Variants in DCLK1 observed in about 807,000 individuals in gnomAD.
DCLK1 encodes doublecortin like kinase 1.
In DCLK1, 16 loss-of-function variants were observed where a neutral mutation model predicts 86.2. That is an observed-to-expected ratio of 0.19 (90% CI 0.13 to 0.28). DCLK1 has a LOEUF of 0.28. Among genes scored for constraint, DCLK1 ranks in the 10% least tolerant of loss-of-function variants. DCLK1 has a pLI of 1.00. For synonymous variants in DCLK1, 369 were observed against 370.5 expected, an observed-to-expected ratio of 1.00 and a Z score of 0.05; for missense variants, 590 against 940.2, an observed-to-expected ratio of 0.63 and a Z score of 4.87.
chr13:36,024,527 G>A (rs1336061911), intron 3 of DCLK1, among the ~76,000 whole-genome samples: 1 of 152,094 alleles, frequency 6.6e-6, no homozygotes, highest in Non-Finnish European at 1.5e-5. Context: ...TTTAACTAAA[G>A]AAGGATAAGA....
At chr13:35,911,391 C>A (rs932317754) in intron 4 of DCLK1, among the ~76,000 whole-genome samples, 4 of 152,106 alleles carry the variant, frequency 2.6e-5, no homozygotes, top group Non-Finnish European at 4.4e-5. Context: ...GGCCCCACCT[C>A]TCCAGGGATA....
intron 3 of DCLK1, among the ~76,000 whole-genome samples, chr13:36,101,239 A>G (rs924039038): frequency 6.6e-6 from 1 of 152,176 alleles, no homozygotes; most frequent in African/African-American, 2.4e-5. Context: ...CCGTGTTTCC[A>G]CAGTGTTTGT....
chr13:35,974,166 C>T (rs2153140109), intron 3 of DCLK1, among the ~76,000 whole-genome samples: 1 of 152,270 alleles, frequency 6.6e-6, no homozygotes, highest in East Asian at 1.9e-4. Context: ...TTGTTATTTG[C>T]TAGAGATCAC....
chr13:35,871,360 C>G lies in DCLK1; in HGVS notation c.824-20G>C. The G allele has an allele frequency of 6.3e-7, 1 of 1,594,582 alleles. No individual in the cohort carries two copies. Among genetic ancestry groups the G allele is most frequent in the Admixed American group, 1.7e-5 (1 of 59,848 alleles). Reference sequence around the variant, plus strand: ...GACATTCTGGGGAAAGAACAAAAACCACACATCATTATGGGGTAATGGCAC... The same window carrying G: ...GACATTCTGGGGAAAGAACAAAAACGACACATCATTATGGGGTAATGGCAC... On this transcript the variant is annotated intron_variant, in intron 4 of 16. Transcript: ENST00000360631.
At chr13:35,791,626 TG>T (rs1253678570) in intron 16 of DCLK1, among the ~76,000 whole-genome samples, 5 of 152,174 alleles carry the variant, frequency 3.3e-5, no homozygotes, top group Non-Finnish European at 1.5e-5. Context: ...GTTTGTCAAT[TG>T]GAAAATTGCC....
chr13:35,958,241 C>G (rs1878220077), intron 3 of DCLK1, among the ~76,000 whole-genome samples: 1 of 133,960 alleles, frequency 7.5e-6, no homozygotes, highest in Non-Finnish European at 1.5e-5. Context: ...CCACCATCAT[C>G]ACCACCACCA....
In DCLK1 at chr13:35,912,964, C is replaced by T. The variant is rs186342505; in HGVS notation, c.823+34394G>A. ...CCTGCTGGCGCCCAGAGTAGCTGGCCGGATCCTGCCCTTGCTCACTCATAT... is the reference window on the plus strand; with the variant it reads ...CCTGCTGGCGCCCAGAGTAGCTGGCTGGATCCTGCCCTTGCTCACTCATAT... On this transcript the variant is annotated intron_variant, in intron 4 of 16. Coordinates refer to ENST00000360631, the MANE Select transcript of DCLK1 (RefSeq NM_001330071.2). 1.7e-4 allele frequency among the ~76,000 whole-genome samples: 26 copies of T among 152,306 alleles called. No homozygotes were observed. The South Asian group carries it at 3.1e-3, about 18-fold the overall frequency.
intron 11 of DCLK1, among the ~76,000 whole-genome samples, chr13:35,821,599 T>C (rs2087394245): frequency 1.3e-5 from 2 of 151,926 alleles, no homozygotes; most frequent in Non-Finnish European, 2.9e-5. Flanking sequence ...CATATATTTA[T>C]ACATAATGCT....
intron 4 of DCLK1, among the ~76,000 whole-genome samples, chr13:35,875,568 G>C (rs912626322): frequency 6.6e-6 from 1 of 152,186 alleles, no homozygotes; most frequent in African/African-American, 2.4e-5. Flanking sequence ...CTTCTTATCA[G>C]AAGAAATGTA....
intron 3 of DCLK1, among the ~76,000 whole-genome samples, chr13:36,014,571 G>A (rs1325388309): frequency 6.6e-6 from 1 of 152,096 alleles, no homozygotes; most frequent in Non-Finnish European, 1.5e-5. Context: ...TTCCAGAAAA[G>A]TTTCTCATGG....
At chr13:35,796,136 T>A (rs915988945) in intron 15 of DCLK1, among the ~76,000 whole-genome samples, 45 of 152,276 alleles carry the variant, frequency 3.0e-4, no homozygotes, top group Admixed American at 1.0e-3. Context: ...TCTGCCAGAA[T>A]GAAAGGGGCC....
At chr13:35,788,096 G>T in intron 16 of DCLK1, 2 of 940,212 alleles carry the variant, frequency 2.1e-6, no homozygotes, top group Non-Finnish European at 3.5e-6. Flanking sequence ...TGATAAAGCA[G>T]CATATGGACT....
chr13:35,780,805 C>T (rs1419229451), intron 16 of DCLK1, among the ~76,000 whole-genome samples: 2 of 152,216 alleles, frequency 1.3e-5, no homozygotes, highest in Non-Finnish European at 2.9e-5. Context: ...GCTATCTCAG[C>T]AACTCAGGTG....
rs76966555 is a variant in DCLK1 at position 35,984,219 on chromosome 13, T to A, written c.724-36762A>T. On this transcript the variant is annotated intron_variant, in intron 3 of 16. Coordinates refer to ENST00000360631, the MANE Select transcript of DCLK1 (RefSeq NM_001330071.2). The stretch of plus-strand genomic sequence containing the variant: ...TGGGTGTCTGTCTGTCAGCCGAGGA[T>A]AGGACTTCAGTCAATGTTCACCAAG... 2.9e-3 allele frequency among the ~76,000 whole-genome samples: 445 copies of A among 152,328 alleles called. 18 individuals are homozygous for A. In the East Asian group the frequency reaches 0.062, roughly 21 times the overall value.
intron 5 of DCLK1, among the ~76,000 whole-genome samples, chr13:35,863,407 C>G (rs537982399): frequency 5.8e-4 from 88 of 152,276 alleles, no homozygotes; most frequent in African/African-American, 1.8e-3. Context: ...GAAATTTATA[C>G]AAGCAGTTGA....
At chr13:36,116,600 G>T (rs1028399746) in intron 2 of DCLK1, among the ~76,000 whole-genome samples, 2 of 152,150 alleles carry the variant, frequency 1.3e-5, no homozygotes, top group Admixed American at 6.5e-5. Flanking sequence ...GTCTGAAAAT[G>T]ACCTCATCTC....
At chr13:35,888,077 G>A (rs1005130359) in intron 4 of DCLK1, among the ~76,000 whole-genome samples, 2 of 151,986 alleles carry the variant, frequency 1.3e-5, no homozygotes, top group African/African-American at 4.8e-5. Context: ...TAATTATCAA[G>A]GATAATTCTA....
intron 4 of DCLK1, among the ~76,000 whole-genome samples, chr13:35,887,878 CAAAAAAAA>C (rs760195385): frequency 1.0e-4 from 4 of 38,744 alleles, no homozygotes; most frequent in Non-Finnish European, 9.7e-5. Flanking sequence ...GATCTTGTCT[CAAAAAAAA>C]AAAAAAAAAA....
At chr13:35,899,938 T>C (rs918397782) in intron 4 of DCLK1, among the ~76,000 whole-genome samples, 4 of 152,312 alleles carry the variant, frequency 2.6e-5, no homozygotes, top group Admixed American at 1.3e-4. Flanking sequence ...AATGAACATA[T>C]ATTTAACAAT....
Sources: gnomAD v4.1 joint callset for allele counts (sites outside exome capture counted in the v4.1 genomes callset) on GRCh38, gnomAD v4.1.1 for gene constraint, MANE v1.5 for transcripts, NCBI Gene and HGNC (gene_info 2026-07-23, HGNC 2026-07-21) for gene names.